The following GALNT14 variants were observed in gnomAD, a reference collection of about 807,000 sequenced individuals.
The protein encoded by GALNT14 is UDP-GalNAc:polypeptide N-acetylgalactosaminyltransferase 14.
GALNT14 carries 60 observed loss-of-function variants against 77.5 expected under a neutral mutation model. The observed-to-expected ratio is 0.77, with a 90% CI of 0.63 to 0.96. The LOEUF (loss-of-function observed/expected upper bound fraction) is 0.96. Among genes scored for constraint, GALNT14 ranks in the 40% least tolerant of loss-of-function variants. The pLI is 0.00. For synonymous variants in GALNT14, 280 were observed against 281.7 expected (o/e 0.99, Z 0.06); for missense variants, 710 against 731.0 (o/e 0.97, Z 0.33).
At chr2:31,017,811 T>A (rs969268622) in intron 1 of GALNT14, among the ~76,000 whole-genome samples, 3 of 152,132 alleles carry the variant, frequency 2.0e-5, no homozygotes, top group Non-Finnish European at 4.4e-5. Context: ...TTAAAAGAGA[T>A]TAAGCAGGGA....
chr2:31,013,143 A>G (rs985965281), intron 1 of GALNT14, among the ~76,000 whole-genome samples: 3 of 152,236 alleles, frequency 2.0e-5, no homozygotes, highest in Non-Finnish European at 4.4e-5. Context: ...GAAAGATTTA[A>G]ATTATTAAAG....
chr2:31,025,691 G>A (rs1011007939), intron 1 of GALNT14, among the ~76,000 whole-genome samples: 1 of 152,188 alleles, frequency 6.6e-6, no homozygotes, highest in African/African-American at 2.4e-5. Context: ...GAGGGCAAGT[G>A]CATGTGAGTT....
intron 1 of GALNT14, among the ~76,000 whole-genome samples, chr2:31,057,219 C>G (rs528487220): frequency 6.6e-6 from 1 of 150,878 alleles, no homozygotes; most frequent in South Asian, 2.1e-4. Flanking sequence ...ATTTGTATCC[C>G]AAACCTCACC....
chr2:31,078,788 C>T (rs566918992), intron 1 of GALNT14: 86 of 541,560 alleles, frequency 1.6e-4, no homozygotes, highest in Middle Eastern at 6.5e-4. Flanking sequence ...AGGCAGCATC[C>T]GAGAACAGCA....
At chr2:30,992,787 G>A in intron 2 of GALNT14, 51 bp downstream of exon 2, 1 of 1,587,752 alleles carries the variant, frequency 6.3e-7, no homozygotes, top group Non-Finnish European at 8.6e-7. Flanking sequence ...CAAGCCTGCT[G>A]TTGATCTCTT....
intron 10 of GALNT14, among the ~76,000 whole-genome samples, chr2:30,931,749 A>G (rs1026362429): frequency 1.3e-5 from 2 of 151,888 alleles, no homozygotes; most frequent in African/African-American, 4.8e-5. Context: ...CCCTTCCCCC[A>G]TCTCACAAAA....
At chr2:30,893,627 TAGC>T in the GALNT14 span, among the ~76,000 whole-genome samples, 1 of 152,172 alleles carries the variant, frequency 6.6e-6, no homozygotes, top group Non-Finnish European at 1.5e-5. Flanking sequence ...TTTCAAGAAA[TAGC>T]AGAATAATTT....
chr2:31,100,577 C>T lies in GALNT14; in HGVS notation c.129+37381G>A, dbSNP rs1385025247. 1.3e-5 allele frequency among the ~76,000 whole-genome samples: 2 copies of T among 151,874 alleles called. 1 individual carries two copies. The highest frequency in any genetic ancestry group is 2.9e-5 in the Non-Finnish European group (2 of 67,924). On this transcript the variant is annotated intron_variant, in intron 1 of 14. Coordinates refer to ENST00000349752, the MANE Select transcript of GALNT14 (RefSeq NM_024572.4). Reference sequence around the variant, plus strand: ...TGTCTAATTGCATTGGTAAGTATCACCTGTGCAATGAGGAGTAACAGTACT... The same window carrying T: ...TGTCTAATTGCATTGGTAAGTATCATCTGTGCAATGAGGAGTAACAGTACT...
chr2:30,998,993 C>G (rs1011912726), intron 1 of GALNT14, among the ~76,000 whole-genome samples: 1 of 152,228 alleles, frequency 6.6e-6, no homozygotes, highest in African/African-American at 2.4e-5. Flanking sequence ...CTGAGAAACC[C>G]TTCTCCTCCC....
downstream of GALNT14, among the ~76,000 whole-genome samples, chr2:30,908,129 C>T (rs1366195487): frequency 9.5e-5 from 13 of 136,768 alleles, no homozygotes. Flanking sequence ...AAACTGGAAG[C>T]ATTCCCTTTG....
intron 1 of GALNT14, among the ~76,000 whole-genome samples, chr2:31,107,151 G>A (rs754304613): frequency 2.0e-5 from 3 of 152,224 alleles, no homozygotes; most frequent in Non-Finnish European, 4.4e-5. Flanking sequence ...GCAGTTAGGT[G>A]TCTTCTGGAT....
intron 2 of GALNT14, among the ~76,000 whole-genome samples, chr2:30,972,133 G>A (rs1668392337): frequency 6.6e-6 from 1 of 152,222 alleles, no homozygotes; most frequent in Admixed American, 6.5e-5. Flanking sequence ...GAGTGATGGA[G>A]AGGCATACCC....
intron 13 of GALNT14, among the ~76,000 whole-genome samples, chr2:30,920,386 T>C (rs1278773672): frequency 1.3e-5 from 2 of 151,856 alleles, no homozygotes; most frequent in African/African-American, 2.4e-5. Context: ...GAACAAACCA[T>C]GTTTAGGGGT....
intron 3 of GALNT14, among the ~76,000 whole-genome samples, chr2:30,962,031 G>C (rs1039552696): frequency 1.3e-5 from 2 of 152,086 alleles, no homozygotes; most frequent in Admixed American, 1.3e-4. Flanking sequence ...AAGAAACTGT[G>C]TTTTAATAAG....
At position 30,910,513 on chromosome 2, in the gene GALNT14, C is replaced by T. The variant is rs1664290716; in HGVS notation, c.*388G>A. The T allele has an allele frequency of 6.1e-6, 1 of 164,690 alleles. No homozygotes were observed. The highest frequency in any genetic ancestry group is 6.2e-5 in the Admixed American group (1 of 16,030). The allele number at this position is 164,690 out of a possible 1,614,324, so 10.2% of individuals were successfully genotyped here. On this transcript the variant is annotated 3_prime_UTR_variant, in exon 15 of 15. Transcript: ENST00000349752. ...TCTCTTTATTTCTTTTGGAAACAACCTCCATTCTTCATCTCTCAATGTAGT... is the reference window on the plus strand; with the variant it reads ...TCTCTTTATTTCTTTTGGAAACAACTTCCATTCTTCATCTCTCAATGTAGT...
At chr2:30,910,326 A>C (rs1664282736), downstream of GALNT14, 1 of 152,136 alleles carries the variant, frequency 6.6e-6, no homozygotes, top group South Asian at 2.1e-4. Flanking sequence ...AGTTGGTGGC[A>C]GCCCAGGATA....
intron 1 of GALNT14, among the ~76,000 whole-genome samples, chr2:31,092,369 C>T (rs1486162739): frequency 6.6e-6 from 1 of 151,954 alleles, no homozygotes; most frequent in African/African-American, 2.4e-5. Flanking sequence ...GAGGGTCCCA[C>T]CCTCATGACT....
At chr2:31,077,320 C>T (rs771126009) in intron 1 of GALNT14, among the ~76,000 whole-genome samples, 15 of 152,182 alleles carry the variant, frequency 9.9e-5, no homozygotes, top group Non-Finnish European at 1.9e-4. Flanking sequence ...TACCTACATT[C>T]CTCAAGGAAC....
intron 1 of GALNT14, among the ~76,000 whole-genome samples, chr2:31,027,858 T>C (rs190206548): frequency 6.8e-6 from 1 of 146,822 alleles, no homozygotes; most frequent in East Asian, 2.1e-4. Flanking sequence ...CTGGCGGATA[T>C]GATACTCTAA....
Sources: gnomAD v4.1 joint callset for allele counts (sites outside exome capture counted in the v4.1 genomes callset) on GRCh38, gnomAD v4.1.1 for gene constraint, MANE v1.5 for transcripts, NCBI Gene and HGNC (gene_info 2026-07-23, HGNC 2026-07-21) for gene names.